The following SMAP1 variants were observed in gnomAD, a reference collection of about 807,000 sequenced individuals.
The protein encoded by SMAP1 is small ArfGAP 1.
In SMAP1, 24 loss-of-function variants were observed where a neutral mutation model predicts 58.5. The observed-to-expected ratio is 0.41, with a 90% CI of 0.30 to 0.58. SMAP1 has a LOEUF of 0.58. Among genes scored for constraint, SMAP1 ranks in the 20% least tolerant of loss-of-function variants. The pLI is 0.29. For missense variants in SMAP1, 563 were observed against 566.3 expected (o/e 0.99, Z 0.06); for synonymous variants, 216 against 196.6 (o/e 1.10, Z -0.82).
At chr6:70,826,014 T>TA (rs759805327) in intron 6 of SMAP1, among the ~76,000 whole-genome samples, 1 of 152,216 alleles carries the variant, frequency 6.6e-6, no homozygotes, top group Non-Finnish European at 1.5e-5. Context: ...TTTGTATCCC[T>TA]AGTGCTTACT....
chr6:70,712,372 A>G (rs1206146950), intron 1 of SMAP1, among the ~76,000 whole-genome samples: 1 of 152,228 alleles, frequency 6.6e-6, no homozygotes, highest in Non-Finnish European at 1.5e-5. Context: ...TGTGCTCATC[A>G]GAGATATTGG....
At chr6:70,826,572 T>A (rs770091716) in intron 6 of SMAP1, among the ~76,000 whole-genome samples, 1 of 152,016 alleles carries the variant, frequency 6.6e-6, no homozygotes, top group Admixed American at 6.6e-5. Context: ...AAAACCAGTC[T>A]GGGCAACATG....
intron 2 of SMAP1, among the ~76,000 whole-genome samples, chr6:70,738,336 A>C (rs1046828214): frequency 6.6e-6 from 1 of 152,018 alleles, no homozygotes; most frequent in African/African-American, 2.4e-5. Context: ...AAATGTTGGC[A>C]CTCTCACATA....
rs560853366 is a variant in SMAP1, at chr6:70,818,230, C to A, written c.577-18711C>A. 3.0e-3 allele frequency among the ~76,000 whole-genome samples: 433 copies of A among 142,742 alleles called. 6 individuals carry two copies. The highest frequency in any genetic ancestry group is 0.011 in the African/African-American group (417 of 38,286). The allele number at this position is 142,742 out of a possible 152,430, so 93.6% of individuals were successfully genotyped here. A position where few individuals can be genotyped will look rare whatever the true frequency, so the allele number is the denominator to read the frequency against. On this transcript the variant is annotated intron_variant, in intron 6 of 10. Transcript: ENST00000370455. Reference sequence around the variant, plus strand: ...CCAACATAGTGAAACCCCGTCTCTACTAAAAAATTACAAAAAAAAAAAAAA... The same window carrying A: ...CCAACATAGTGAAACCCCGTCTCTAATAAAAAATTACAAAAAAAAAAAAAA...
intron 3 of SMAP1, among the ~76,000 whole-genome samples, chr6:70,759,619 T>A (rs1414203615): frequency 6.6e-6 from 1 of 152,116 alleles, no homozygotes; most frequent in Admixed American, 6.6e-5. Context: ...TTGTGTAGGT[T>A]GGTAGGAATA....
intron 10 of SMAP1, chr6:70,859,522 T>C (rs1771606475): frequency 1.4e-6 from 1 of 714,344 alleles, no homozygotes; most frequent in African/African-American, 1.8e-5. Flanking sequence ...TGTATTAAAT[T>C]AAGAACACAG....
intron 7 of SMAP1, among the ~76,000 whole-genome samples, chr6:70,849,001 A>G (rs890452291): frequency 3.3e-5 from 5 of 152,242 alleles, no homozygotes; most frequent in African/African-American, 1.2e-4. Flanking sequence ...TGTGAAATCC[A>G]GAACCCACCG....
intron 1 of SMAP1, chr6:70,668,596 T>C (rs1188803474): frequency 6.5e-7 from 1 of 1,535,784 alleles, no homozygotes; most frequent in East Asian, 2.4e-5. Context: ...GACCACGTCC[T>C]CCCACTCCGG....
chr6:70,813,730 A>AT (rs1339606845), intron 6 of SMAP1, among the ~76,000 whole-genome samples: 1 of 152,004 alleles, frequency 6.6e-6, no homozygotes, highest in Non-Finnish European at 1.5e-5. Context: ...TTTTTAAAAA[A>AT]ATATTTTAAA....
chr6:70,776,137 A>G (rs980176542), intron 4 of SMAP1, among the ~76,000 whole-genome samples: 4 of 152,170 alleles, frequency 2.6e-5, no homozygotes, highest in African/African-American at 9.6e-5. Flanking sequence ...CAGGAGTACT[A>G]GAGTACTTAA....
At chr6:70,745,510 T>A (rs182430673) in intron 2 of SMAP1, among the ~76,000 whole-genome samples, 48 of 152,340 alleles carry the variant, frequency 3.2e-4, no homozygotes, top group African/African-American at 1.0e-3. Context: ...TTCTGAGGCT[T>A]CTGTTCTGTT....
At chr6:70,728,074 A>T (rs1582071468) in intron 1 of SMAP1, among the ~76,000 whole-genome samples, 2 of 152,260 alleles carry the variant, frequency 1.3e-5, no homozygotes, top group East Asian at 3.9e-4. Context: ...AAAGAAAAAA[A>T]AAAGTGGCTT....
Position 70,671,732 on chromosome 6 carries a change from T to C in SMAP1, c.118+3591T>C, listed in dbSNP as rs539924877. On this transcript the variant is annotated intron_variant, in intron 1 of 10. Coordinates refer to ENST00000370455, the MANE Select transcript of SMAP1 (RefSeq NM_001044305.3). ...TGGATATTTAATATAATACAACATA[T>C]GAACTTTTGTTTCTGACTTTGACTT... Among the ~76,000 whole-genome samples, 32 of 152,356 alleles carry C rather than the reference T, an allele frequency of 2.1e-4. No homozygotes were observed. The South Asian group carries it at 6.6e-3, about 32-fold the overall frequency.
chr6:70,853,367 G>C (rs1001887363), intron 8 of SMAP1, among the ~76,000 whole-genome samples: 7 of 152,018 alleles, frequency 4.6e-5, no homozygotes, highest in African/African-American at 1.5e-4. Context: ...CTACTCTTAA[G>C]CATACAACAT....
intron 1 of SMAP1, among the ~76,000 whole-genome samples, chr6:70,705,697 T>C (rs1049170845): frequency 1.3e-5 from 2 of 152,208 alleles, no homozygotes; most frequent in African/African-American, 4.8e-5. Flanking sequence ...CAGGATGGCC[T>C]TGTCAGTAAA....
chr6:70,683,439 G>A (rs1484716333), intron 1 of SMAP1, among the ~76,000 whole-genome samples: 1 of 151,916 alleles, frequency 6.6e-6, no homozygotes, highest in East Asian at 1.9e-4. Flanking sequence ...CAAAGTGTTG[G>A]GATTACAGGC....
At chr6:70,790,942 T>C (rs534865690) in intron 4 of SMAP1, among the ~76,000 whole-genome samples, 21 of 152,198 alleles carry the variant, frequency 1.4e-4, no homozygotes, top group African/African-American at 4.8e-4. Flanking sequence ...AGTGATCAAC[T>C]ACGCATGCAG....
chr6:70,859,124 AT>A, intron 10 of SMAP1: 1 of 456,128 alleles, frequency 2.2e-6, no homozygotes, highest in South Asian at 3.5e-5. Flanking sequence ...GATTTCTAAC[AT>A]TAGCACAATC....
At chr6:70,730,187 C>T (rs1333746562) in intron 1 of SMAP1, among the ~76,000 whole-genome samples, 4 of 152,118 alleles carry the variant, frequency 2.6e-5, no homozygotes, top group Non-Finnish European at 4.4e-5. Flanking sequence ...GTAGTTAGAC[C>T]TGCAGGCACT....
Sources: allele counts gnomAD v4.1 joint callset (sites outside exome capture counted in the v4.1 genomes callset), GRCh38; gene constraint gnomAD v4.1.1; transcripts MANE v1.5; gene names NCBI Gene and HGNC (gene_info 2026-07-23, HGNC 2026-07-21).